The following UHMK1 variants were observed in gnomAD, a reference collection of about 807,000 sequenced individuals.
The protein encoded by UHMK1 is serine/threonine-protein kinase Kist.
A neutral mutation model predicts 44.0 loss-of-function variants in UHMK1; 18 were observed. The observed-to-expected ratio is 0.41, with a 90% CI of 0.28 to 0.61. The LOEUF is 0.61. Ranked by LOEUF, UHMK1 falls within the 20% of genes least tolerant of loss-of-function variation. The pLI, the probability that UHMK1 is intolerant of heterozygous loss-of-function variation, is 0.31. For missense variants in UHMK1, 463 were observed against 522.5 expected (o/e 0.89, Z 1.11); for synonymous variants, 231 against 198.5 (o/e 1.16, Z -1.38).
chr1:162,500,333 A>G, intron 2 of UHMK1, 86 bp downstream of exon 2: 2 of 1,439,844 alleles, frequency 1.4e-6, no homozygotes, highest in Non-Finnish European at 1.9e-6. Context: ...GTAGTTTAGT[A>G]GGGGCTTACA....
At chr1:162,497,707 C>T, upstream of UHMK1, 2 of 1,006,882 alleles carry the variant, frequency 2.0e-6, no homozygotes, top group Non-Finnish European at 2.6e-6. Context: ...ACTTCTTATT[C>T]TCGGTTCTTT....
chr1:162,500,794 T>G, intron 2 of UHMK1, 119 bp from the exon 3 acceptor site: 2 of 985,718 alleles, frequency 2.0e-6, no homozygotes, highest in African/African-American at 1.6e-5. Flanking sequence ...GACTAAAAAT[T>G]TTTAGCATTT....
rs187902115 is a variant in UHMK1, at chr1:162,501,230, C to T, written c.753+126C>T. ...TTTCACCCAGGCTGGAGTGCAGTGGCGCAATCTCAGCTCACTGCAACCTCC... is the reference window on the plus strand; with the variant it reads ...TTTCACCCAGGCTGGAGTGCAGTGGTGCAATCTCAGCTCACTGCAACCTCC... On this transcript the variant is annotated intron_variant, in intron 3 of 7. Coordinates refer to ENST00000489294, the MANE Select transcript of UHMK1 (RefSeq NM_175866.5). The T allele has an allele frequency of 1.6e-3, 1,525 of 939,822 alleles. 5 individuals carry two copies. The highest frequency in any genetic ancestry group is 0.011 in the Middle Eastern group (31 of 2,916). The allele number at this position is 939,822 out of a possible 1,614,324, so 58.2% of individuals were successfully genotyped here.
At chr1:162,497,811 G>C, upstream of UHMK1, 1 of 1,314,700 alleles carries the variant, frequency 7.6e-7, no homozygotes, top group Non-Finnish European at 9.7e-7. Flanking sequence ...CTCCATTTCC[G>C]GCTTCTGGGA....
intron 7 of UHMK1, among the ~76,000 whole-genome samples, chr1:162,520,919 C>CT (rs1652031931): frequency 6.6e-6 from 1 of 152,136 alleles, no homozygotes; most frequent in Non-Finnish European, 1.5e-5. Flanking sequence ...CAGGAGAAGT[C>CT]TTTTCCAGAG....
chr1:162,497,821 A>G lies in UHMK1; in HGVS notation c.-180A>G. ...TCTTCCTCCATTTCCGGCTTCTGGG[A>G]CTCGGGTGCACCACGGCTTCCGGTG... On this transcript the variant is annotated 5_prime_UTR_variant, in exon 1 of 8. Transcript: ENST00000489294. 7.7e-7 allele frequency: 1 copy of G among 1,298,932 alleles called. No homozygotes were observed. Among genetic ancestry groups the G allele is most frequent in the Non-Finnish European group, 9.7e-7 (1 of 1,026,496 alleles). 80.5% of individuals were successfully genotyped at this position (1,298,932 alleles called of 1,614,324 possible).
Position 162,529,428 on chromosome 1 carries a change from TA to T in UHMK1, c.*6883del, listed in dbSNP as rs1481400194. The T allele has an allele frequency of 6.6e-6, 1 of 152,184 alleles. No individual in the cohort carries two copies. The highest frequency in any genetic ancestry group is 2.4e-5 in the African/African-American group (1 of 41,456). 9.4% of individuals were successfully genotyped at this position (152,184 alleles called of 1,614,324 possible). A position where few individuals can be genotyped will look rare whatever the true frequency, so the allele number is the denominator to read the frequency against. Reference sequence around the variant, plus strand: ...TTTATTTTCCACTTTCCTATATTCCTAAAAAGTGTGAACAATGCGTTTCAGT... The same window carrying T: ...TTTATTTTCCACTTTCCTATATTCCTAAAAGTGTGAACAATGCGTTTCAGT... On this transcript the variant is annotated 3_prime_UTR_variant, in exon 8 of 8. Coordinates refer to ENST00000489294, the MANE Select transcript of UHMK1 (RefSeq NM_175866.5).
intron 3 of UHMK1, 149 bp downstream of exon 3, chr1:162,501,253 T>A: frequency 1.3e-6 from 1 of 754,018 alleles, no homozygotes; most frequent in East Asian, 2.8e-5. Flanking sequence ...CACTGCAACC[T>A]CCACCTTCCG....
upstream of UHMK1, chr1:162,497,718 T>G: frequency 8.9e-7 from 1 of 1,122,984 alleles, no homozygotes; most frequent in Non-Finnish European, 1.1e-6. Flanking sequence ...TCGGTTCTTT[T>G]TTCCAAACCT....
intron 6 of UHMK1, among the ~76,000 whole-genome samples, chr1:162,517,048 C>CA (rs1331609215): frequency 2.0e-5 from 3 of 152,202 alleles, no homozygotes; most frequent in African/African-American, 7.2e-5. Context: ...CCTGTAATCC[C>CA]AACACTTTGG....
In UHMK1 at chr1:162,529,446, C is replaced by T. The variant is rs940185706; in HGVS notation, c.*6896C>T. Reference sequence around the variant, plus strand: ...ATATTCCTAAAAAGTGTGAACAATGCGTTTCAGTTGACTGTATTGCATACT... The same window carrying T: ...ATATTCCTAAAAAGTGTGAACAATGTGTTTCAGTTGACTGTATTGCATACT... On this transcript the variant is annotated 3_prime_UTR_variant, in exon 8 of 8. Transcript: ENST00000489294. The T allele has an allele frequency of 6.6e-6, 1 of 152,214 alleles. No individual in the cohort carries two copies. The highest frequency in any genetic ancestry group is 2.1e-4 in the South Asian group (1 of 4,826). The allele number at this position is 152,214 out of a possible 1,614,324, so 9.4% of individuals were successfully genotyped here. A position where few individuals can be genotyped will look rare whatever the true frequency, so the allele number is the denominator to read the frequency against.
chr1:162,513,509 A>G (rs1172725823), intron 6 of UHMK1, among the ~76,000 whole-genome samples: 2 of 152,182 alleles, frequency 1.3e-5, no homozygotes, highest in Non-Finnish European at 2.9e-5. Flanking sequence ...ATAAACAATT[A>G]TAGTTGTGAT....
rs1652361239 is a variant in UHMK1, at chr1:162,529,246, T to G, written c.*6696T>G. On this transcript the variant is annotated 3_prime_UTR_variant, in exon 8 of 8. Coordinates refer to ENST00000489294, the MANE Select transcript of UHMK1 (RefSeq NM_175866.5). Reference sequence around the variant, plus strand: ...GTATTATTTGTGATGTCTTATTGTTTGTGAGCTTTTGTTTTTTTTTTAAAG... The same window carrying G: ...GTATTATTTGTGATGTCTTATTGTTGGTGAGCTTTTGTTTTTTTTTTAAAG... 6.6e-6 allele frequency: 1 copy of G among 152,172 alleles called. No individual in the cohort carries two copies. Among genetic ancestry groups the G allele is most frequent in the South Asian group, 2.1e-4 (1 of 4,836 alleles). The allele number at this position is 152,172 out of a possible 1,614,324, so 9.4% of individuals were successfully genotyped here.
upstream of UHMK1, among the ~76,000 whole-genome samples, chr1:162,497,520 G>A (rs1651090236): frequency 6.6e-6 from 1 of 152,062 alleles, no homozygotes; most frequent in Non-Finnish European, 1.5e-5. Flanking sequence ...TTGTTCCTGG[G>A]GTGTTTTCCT....
intron 3 of UHMK1, among the ~76,000 whole-genome samples, chr1:162,502,722 G>C (rs534534444): frequency 1.3e-5 from 2 of 152,274 alleles, no homozygotes; most frequent in African/African-American, 4.8e-5. Context: ...ATTGCCAACT[G>C]ATTATGAGCA....
At chr1:162,521,287 TGTA>T (rs372583985) in intron 7 of UHMK1, among the ~76,000 whole-genome samples, 22 of 152,216 alleles carry the variant, frequency 1.4e-4, no homozygotes, top group African/African-American at 5.3e-4. Flanking sequence ...TGTGGGATGG[TGTA>T]GTATAGAAAA....
At chr1:162,518,006 A>T in intron 6 of UHMK1, 96 bp from the exon 7 acceptor site, 1 of 763,840 alleles carries the variant, frequency 1.3e-6, no homozygotes. Flanking sequence ...ATTACTAGTT[A>T]TGTATTCCTG....
At position 162,504,022 on chromosome 1, in the gene UHMK1, G is replaced by A. The variant is rs1403586171; in HGVS notation, c.848+174G>A. Reference sequence around the variant, plus strand: ...TGCTCTTTTGCTCATAGTATCAGATGTTAAGCTTTTCCTGGCAGCTGCCTT... The same window carrying A: ...TGCTCTTTTGCTCATAGTATCAGATATTAAGCTTTTCCTGGCAGCTGCCTT... On this transcript the variant is annotated intron_variant, in intron 4 of 7. Transcript: ENST00000489294. Among the ~76,000 whole-genome samples the A allele has an allele frequency of 2.0e-5, 3 of 152,160 alleles. No homozygotes were observed. In the South Asian group the frequency reaches 6.2e-4, roughly 32 times the overall value.
intron 1 of UHMK1, among the ~76,000 whole-genome samples, chr1:162,498,772 A>G (rs1030165994): frequency 4.6e-5 from 7 of 152,214 alleles, no homozygotes; most frequent in African/African-American, 1.7e-4. Flanking sequence ...GGAACACTAT[A>G]CCTTTGCTCT....
Sources: allele counts gnomAD v4.1 joint callset (sites outside exome capture counted in the v4.1 genomes callset), GRCh38; gene constraint gnomAD v4.1.1; transcripts MANE v1.5; gene names NCBI Gene and HGNC (gene_info 2026-07-23, HGNC 2026-07-21).